Variants in MYO6 observed in about 807,000 individuals in gnomAD.
MYO6 encodes myosin VI, also known as unconventional myosin-VI.
MYO6 carries 74 observed loss-of-function variants against 178.7 expected under a neutral mutation model. The observed-to-expected ratio is 0.41, with a 90% CI of 0.34 to 0.50. The LOEUF is 0.50. Ranked by LOEUF, MYO6 falls within the 20% of genes least tolerant of loss-of-function variation. The probability of loss-of-function intolerance (pLI) is 0.09; values close to 1 mark genes in which losing one functional copy is unlikely to be tolerated. For missense variants in MYO6, 1,330 were observed against 1,547.4 expected (o/e 0.86, Z 2.36); for synonymous variants, 477 against 504.6 (o/e 0.95, Z 0.73).
At chr6:75,767,503 A>G (rs1182989437) in intron 1 of MYO6, among the ~76,000 whole-genome samples, 1 of 151,408 alleles carries the variant, frequency 6.6e-6, no homozygotes, top group East Asian at 1.9e-4. Flanking sequence ...TCATAAATAC[A>G]CATGATTTAC....
At chr6:75,905,426 ATT>A (rs1012385897) in intron 30 of MYO6, among the ~76,000 whole-genome samples, 2 of 152,138 alleles carry the variant, frequency 1.3e-5, no homozygotes, top group Non-Finnish European at 2.9e-5. Flanking sequence ...CTGGTGCGCC[ATT>A]TTTTTAAGCC....
chr6:75,845,691 CAAAA>C (rs1347927945), intron 10 of MYO6, among the ~76,000 whole-genome samples: 1 of 149,648 alleles, frequency 6.7e-6, no homozygotes, highest in Non-Finnish European at 1.5e-5. Flanking sequence ...TAAAAACAAA[CAAAA>C]AAAAGCTGGT....
intron 1 of MYO6, among the ~76,000 whole-genome samples, chr6:75,775,301 T>G (rs1230706751): frequency 4.6e-5 from 7 of 152,132 alleles, no homozygotes; most frequent in Non-Finnish European, 7.4e-5. Context: ...AGCAAATTCT[T>G]CCATAGCAGG....
At chr6:75,844,815 C>T (rs762417001) in intron 9 of MYO6, 82 bp from the exon 10 acceptor site, 2 of 1,111,968 alleles carry the variant, frequency 1.8e-6, no homozygotes, top group Non-Finnish European at 1.4e-6. Flanking sequence ...ATGGTTGGCA[C>T]TATTTGGTAA....
At chr6:75,799,759 A>G (rs1325434605) in intron 1 of MYO6, among the ~76,000 whole-genome samples, 1 of 152,134 alleles carries the variant, frequency 6.6e-6, no homozygotes, top group East Asian at 1.9e-4. Context: ...GTGTTCTCAA[A>G]TGGGGAAAAG....
intron 3 of MYO6, among the ~76,000 whole-genome samples, chr6:75,827,961 T>C (rs1204997770): frequency 1.3e-5 from 2 of 152,192 alleles, no homozygotes; most frequent in Non-Finnish European, 2.9e-5. Flanking sequence ...TGGGAGTCAG[T>C]TCTGACACTT....
intron 4 of MYO6, 61 bp downstream of exon 4, chr6:75,828,674 T>C: frequency 1.9e-6 from 2 of 1,067,784 alleles, no homozygotes; most frequent in Non-Finnish European, 2.9e-6. Flanking sequence ...TGGTACTCTT[T>C]GATTTTGTCA....
chr6:75,895,530 T>C (rs1779227174), intron 29 of MYO6, among the ~76,000 whole-genome samples: 1 of 151,760 alleles, frequency 6.6e-6, no homozygotes. Flanking sequence ...TTTTTTTTTT[T>C]TTTTGAGACA....
At chr6:75,753,240 T>G (rs1445887758) in intron 1 of MYO6, among the ~76,000 whole-genome samples, 2 of 152,022 alleles carry the variant, frequency 1.3e-5, no homozygotes, top group Admixed American at 1.3e-4. Context: ...CATTATTTGC[T>G]TTGAACTATT....
intron 25 of MYO6, among the ~76,000 whole-genome samples, chr6:75,887,210 A>G (rs900638063): frequency 6.6e-6 from 1 of 152,284 alleles, no homozygotes; most frequent in East Asian, 1.9e-4. Flanking sequence ...TTTTTATGCC[A>G]TTTCTTCTGT....
At chr6:75,913,570 T>C (rs1056002181) in intron 33 of MYO6, among the ~76,000 whole-genome samples, 3 of 152,222 alleles carry the variant, frequency 2.0e-5, no homozygotes, top group African/African-American at 7.2e-5. Context: ...TTTATATGGC[T>C]TCTACTTTTT....
chr6:75,776,089 T>C lies in MYO6; in HGVS notation c.-48+26666T>C, dbSNP rs567017642. Among the ~76,000 whole-genome samples the C allele has an allele frequency of 6.8e-4, 103 of 152,344 alleles. 2 individuals carry two copies. In the South Asian group the frequency reaches 8.7e-3, roughly 13 times the overall value. ...TTTATGTCAGTACTATAAATATTGC[T>C]GTACATTGTGGTGTACTTGTCTTTC... On this transcript the variant is annotated intron_variant, in intron 1 of 34. Transcript: ENST00000369977.
chr6:75,826,795 A>G (rs533515714), intron 3 of MYO6, among the ~76,000 whole-genome samples: 29 of 152,200 alleles, frequency 1.9e-4, no homozygotes, highest in African/African-American at 6.7e-4. Flanking sequence ...AAGTGGCACT[A>G]GAAAGCAGTG....
At chr6:75,806,809 A>G (rs1473798253) in intron 1 of MYO6, among the ~76,000 whole-genome samples, 6 of 152,216 alleles carry the variant, frequency 3.9e-5, no homozygotes, top group African/African-American at 1.4e-4. Flanking sequence ...AAACAATGCT[A>G]ATGACTGGCT....
At chr6:75,858,847 A>C in intron 13 of MYO6, 55 bp from the exon 14 acceptor site, 1 of 1,032,206 alleles carries the variant, frequency 9.7e-7, no homozygotes, top group Non-Finnish European at 1.5e-6. Flanking sequence ...TCCTATGATA[A>C]ATTTATATGA....
At chr6:75,778,421 C>T (rs564687871) in intron 1 of MYO6, among the ~76,000 whole-genome samples, 82 of 151,864 alleles carry the variant, frequency 5.4e-4, no homozygotes, top group Admixed American at 1.2e-3. Context: ...GGTGAAACCC[C>T]GTCTCTACTA....
intron 11 of MYO6, among the ~76,000 whole-genome samples, chr6:75,852,021 A>G (rs909261820): frequency 1.3e-5 from 2 of 152,154 alleles, no homozygotes; most frequent in African/African-American, 4.8e-5. Context: ...AAACTTTAAA[A>G]ATGTTTGAAG....
intron 1 of MYO6, among the ~76,000 whole-genome samples, chr6:75,751,054 G>A (rs925971032): frequency 6.6e-6 from 1 of 152,140 alleles, no homozygotes; most frequent in Admixed American, 6.5e-5. Flanking sequence ...ACTGGAGAAT[G>A]TTTAGTGAAA....
chr6:75,902,976 G>A (rs1388755311), intron 30 of MYO6, among the ~76,000 whole-genome samples: 6 of 151,390 alleles, frequency 4.0e-5, no homozygotes, highest in African/African-American at 9.7e-5. Flanking sequence ...CCTTCATTTT[G>A]TTATGTACCC....
Sources: allele counts gnomAD v4.1 joint callset (sites outside exome capture counted in the v4.1 genomes callset), GRCh38; gene constraint gnomAD v4.1.1; transcripts MANE v1.5; gene names NCBI Gene and HGNC (gene_info 2026-07-23, HGNC 2026-07-21).